The following HACD2 variants were observed in gnomAD, a reference collection of about 807,000 sequenced individuals.
HACD2 encodes the protein very-long-chain (3R)-3-hydroxyacyl-CoA dehydratase 2.
Under a neutral mutation model 31.0 loss-of-function variants are expected in HACD2, and 15 were observed. The ratio of observed to expected loss-of-function variants is 0.48; its 90% CI spans 0.32 to 0.75. The LOEUF is 0.75. HACD2 is among the 30% of genes least tolerant of loss of function. HACD2 has a pLI of 0.03. For synonymous variants in HACD2, 115 were observed against 122.2 expected, an observed-to-expected ratio of 0.94 and a Z score of 0.39; for missense variants, 283 against 313.0, an observed-to-expected ratio of 0.90 and a Z score of 0.72.
At chr3:123,517,340 G>C (rs2107695633) in intron 4 of HACD2, among the ~76,000 whole-genome samples, 1 of 152,212 alleles carries the variant, frequency 6.6e-6, no homozygotes, top group Admixed American at 6.5e-5. Flanking sequence ...TTCTTCCTTA[G>C]TCCTGTTTGA....
chr3:123,528,609 A>G, intron 3 of HACD2, 135 bp from the exon 4 acceptor site: 1 of 610,412 alleles, frequency 1.6e-6, no homozygotes, highest in South Asian at 2.1e-5. Flanking sequence ...CTATATTGTT[A>G]CACAGACTAA....
chr3:123,523,096 C>A (rs572694610), intron 4 of HACD2, among the ~76,000 whole-genome samples: 18 of 152,232 alleles, frequency 1.2e-4, no homozygotes, highest in Non-Finnish European at 2.5e-4. Flanking sequence ...GACACGCCAA[C>A]CAGGGAAGTG....
intron 2 of HACD2, among the ~76,000 whole-genome samples, chr3:123,572,082 T>C (rs1448906734): frequency 6.6e-6 from 1 of 152,168 alleles, no homozygotes; most frequent in Non-Finnish European, 1.5e-5. Flanking sequence ...TTTTCCAAAA[T>C]GCACTCTGAA....
rs145948867 is a variant in HACD2, at chr3:123,515,949, G to A, written c.381+12437C>T. On this transcript the variant is annotated intron_variant, in intron 4 of 6. Transcript: ENST00000383657. ...ATTTTTGTATTTTTTTGGTGGAGAC[G>A]GGGTTTCACCATGTTGCCCAGGCTA... Among the ~76,000 whole-genome samples, 4 of 152,012 alleles carry A rather than the reference G, an allele frequency of 2.6e-5. No individual in the cohort carries two copies. In the East Asian group the frequency reaches 7.8e-4, roughly 30 times the overall value.
At chr3:123,516,819 A>C (rs536958741) in intron 4 of HACD2, among the ~76,000 whole-genome samples, 1 of 152,296 alleles carries the variant, frequency 6.6e-6, no homozygotes, top group East Asian at 1.9e-4. Flanking sequence ...AATGGTTCCT[A>C]TGTGTTCAGC....
At chr3:123,507,991 C>CA (rs1352621943) in intron 4 of HACD2, among the ~76,000 whole-genome samples, 2 of 149,988 alleles carry the variant, frequency 1.3e-5, no homozygotes, top group African/African-American at 4.9e-5. Flanking sequence ...TGAGACCCCC[C>CA]CTCTCTTAAA....
chr3:123,550,834 C>T (rs970863166), intron 3 of HACD2, among the ~76,000 whole-genome samples: 1 of 152,106 alleles, frequency 6.6e-6, no homozygotes, highest in African/African-American at 2.4e-5. Context: ...ACAGTGGCAC[C>T]ATACAGGGAG....
At chr3:123,563,898 T>C (rs1280883630) in intron 3 of HACD2, among the ~76,000 whole-genome samples, 1 of 152,196 alleles carries the variant, frequency 6.6e-6, no homozygotes, top group Admixed American at 6.5e-5. Flanking sequence ...TGGCTCATTA[T>C]TATTATTATT....
rs201928094 is a variant in HACD2, at chr3:123,509,498, ACTT to A, written c.382-6820_382-6818del. On this transcript the variant is annotated intron_variant, in intron 4 of 6. Transcript: ENST00000383657. ...CCCCTCCAACCTTCCCCTTCCTGTGACTTCTTTTTTTTTTTTTTGAGATGGAGT... is the reference window on the plus strand; with the variant it reads ...CCCCTCCAACCTTCCCCTTCCTGTGACTTTTTTTTTTTTTTGAGATGGAGT... Among the ~76,000 whole-genome samples, 132 of 65,576 alleles carry A rather than the reference ACTT, an allele frequency of 2.0e-3. 11 individuals are homozygous for A. The highest frequency in any genetic ancestry group is 3.4e-3 in the Admixed American group (12 of 3,546). 43.0% of individuals were successfully genotyped at this position (65,576 alleles called of 152,430 possible).
intron 3 of HACD2, among the ~76,000 whole-genome samples, chr3:123,545,452 G>T (rs927614900): frequency 6.9e-6 from 1 of 145,956 alleles, no homozygotes; most frequent in African/African-American, 2.6e-5. Flanking sequence ...ACTGCACTCC[G>T]GCCTGGGCAA....
At chr3:123,555,974 C>A (rs1323073954) in intron 3 of HACD2, among the ~76,000 whole-genome samples, 2 of 151,988 alleles carry the variant, frequency 1.3e-5, no homozygotes, top group Non-Finnish European at 2.9e-5. Flanking sequence ...CAAATCGTGC[C>A]GAACAACTGG....
At chr3:123,542,405 A>G in intron 3 of HACD2, among the ~76,000 whole-genome samples, 1 of 152,224 alleles carries the variant, frequency 6.6e-6, no homozygotes, top group African/African-American at 2.4e-5. Flanking sequence ...AAATGCTGGT[A>G]CTATGTTGAA....
chr3:123,545,460 C>T lies in HACD2; in HGVS notation c.293-16986G>A, dbSNP rs556800646. ...TCATGCCACTGCACTCCGGCCTGGGCAACAGAGCGAGACTTAGTCTCAGTA... is the reference window on the plus strand; with the variant it reads ...TCATGCCACTGCACTCCGGCCTGGGTAACAGAGCGAGACTTAGTCTCAGTA... On this transcript the variant is annotated intron_variant, in intron 3 of 6. Transcript: ENST00000383657. Among the ~76,000 whole-genome samples, 176 of 141,748 alleles carry T rather than the reference C, an allele frequency of 1.2e-3. 1 individual carries two copies. Among genetic ancestry groups the T allele is most frequent in the Middle Eastern group, 9.2e-3 (2 of 218 alleles). 93.0% of individuals were successfully genotyped at this position (141,748 alleles called of 152,430 possible).
At chr3:123,508,337 G>A (rs2056005162) in intron 4 of HACD2, among the ~76,000 whole-genome samples, 2 of 152,230 alleles carry the variant, frequency 1.3e-5, no homozygotes, top group Non-Finnish European at 1.5e-5. Context: ...AAGCGAGGGA[G>A]GAGGCGGCTG....
intron 2 of HACD2, among the ~76,000 whole-genome samples, chr3:123,576,223 T>C (rs1191140179): frequency 1.3e-5 from 2 of 150,910 alleles, no homozygotes; most frequent in African/African-American, 4.9e-5. Flanking sequence ...TCGTGCCCTA[T>C]ATTGCCACCA....
chr3:123,517,863 G>T (rs1244134932), intron 4 of HACD2, among the ~76,000 whole-genome samples: 2 of 152,252 alleles, frequency 1.3e-5, no homozygotes, highest in Non-Finnish European at 2.9e-5. Flanking sequence ...TACGGTCCCT[G>T]ACCATAGATG....
intron 3 of HACD2, among the ~76,000 whole-genome samples, chr3:123,547,660 G>C (rs1052583886): frequency 5.3e-5 from 8 of 152,162 alleles, no homozygotes; most frequent in African/African-American, 1.9e-4. Context: ...TACCATGTAT[G>C]ACCTACCAGG....
At chr3:123,561,868 G>C (rs189136777) in intron 3 of HACD2, among the ~76,000 whole-genome samples, 1 of 151,994 alleles carries the variant, frequency 6.6e-6, no homozygotes, top group Admixed American at 6.5e-5. Flanking sequence ...CTGGAGTGCA[G>C]AGGCACAATT....
chr3:123,558,428 A>G (rs1337446856), intron 3 of HACD2, among the ~76,000 whole-genome samples: 1 of 152,242 alleles, frequency 6.6e-6, no homozygotes, highest in African/African-American at 2.4e-5. Flanking sequence ...TGATGTGTCA[A>G]TGTACATTAA....
Sources: allele counts gnomAD v4.1 joint callset (sites outside exome capture counted in the v4.1 genomes callset), GRCh38; gene constraint gnomAD v4.1.1; transcripts MANE v1.5; gene names NCBI Gene and HGNC (gene_info 2026-07-23, HGNC 2026-07-21).